The following ST6GALNAC5 variants were observed in gnomAD, a reference collection of about 807,000 sequenced individuals.
ST6GALNAC5 encodes ST6 N-acetylgalactosaminide alpha-2,6-sialyltransferase 5, also known as alpha-N-acetylgalactosaminide alpha-2,6-sialyltransferase 5.
In ST6GALNAC5, 27 loss-of-function variants were observed where a neutral mutation model predicts 33.6. The ratio of observed to expected loss-of-function variants is 0.80; its 90% CI spans 0.59 to 1.11. The LOEUF (loss-of-function observed/expected upper bound fraction) is 1.11, where lower values mean the gene tolerates loss of function less well. Among genes scored for constraint, ST6GALNAC5 ranks in the 50% least tolerant of loss-of-function variants. The pLI, the probability that ST6GALNAC5 is intolerant of heterozygous loss-of-function variation, is 0.00. For missense variants in ST6GALNAC5, 428 were observed against 454.0 expected (o/e 0.94, Z 0.52); for synonymous variants, 194 against 171.2 (o/e 1.13, Z -1.04).
chr1:76,936,498 T>C (rs905732542), intron 2 of ST6GALNAC5, among the ~76,000 whole-genome samples: 1 of 152,026 alleles, frequency 6.6e-6, no homozygotes, highest in African/African-American at 2.4e-5. Flanking sequence ...CCAAGAATAA[T>C]GGCCAGTGTG....
chr1:76,968,325 G>A (rs374313203), intron 2 of ST6GALNAC5, among the ~76,000 whole-genome samples: 1 of 152,012 alleles, frequency 6.6e-6, no homozygotes, highest in Non-Finnish European at 1.5e-5. Flanking sequence ...TGATCCCTTT[G>A]CCATTATGTA....
intron 2 of ST6GALNAC5, among the ~76,000 whole-genome samples, chr1:77,015,006 C>A (rs372877280): frequency 2.6e-5 from 4 of 151,728 alleles, no homozygotes; most frequent in Non-Finnish European, 2.9e-5. Flanking sequence ...CGGTATTAGT[C>A]GGAATTCTCC....
chr1:76,948,386 C>T (rs943134363), intron 2 of ST6GALNAC5, among the ~76,000 whole-genome samples: 1 of 152,152 alleles, frequency 6.6e-6, no homozygotes, highest in African/African-American at 2.4e-5. Flanking sequence ...CTCCTCAGGG[C>T]TGTGCTGTGG....
intron 4 of ST6GALNAC5, chr1:77,060,022 G>T (rs1652524109): frequency 6.6e-6 from 1 of 152,040 alleles, no homozygotes; most frequent in Non-Finnish European, 1.5e-5. Context: ...GAGTCTATGG[G>T]GTTGGAGCAT....
rs763150138 is a variant in ST6GALNAC5 at position 76,868,604 on chromosome 1, GCAGCAGCAGCAA to G, written c.135_146del (p.Gln46_Gln49del). The stretch of plus-strand genomic sequence containing the variant: ...AGGAGCGGCCCCCGCAGCAGCAGCA[GCAGCAGCAGCAA>G]CAGCAGCAGCAGGCGTCGGCCACCG... On this transcript the variant is annotated inframe_deletion, in exon 2 of 5. Coordinates refer to ENST00000477717, the MANE Select transcript of ST6GALNAC5 (RefSeq NM_030965.3). This position sits in a 1 kb window ranked among gnomAD's most constrained non-coding sequence, Gnocchi z 4.3. The G allele has an allele frequency of 1.9e-6, 3 of 1,610,722 alleles. No homozygotes were observed. The highest frequency in any genetic ancestry group is 2.7e-5 in the African/African-American group (2 of 74,034).
In ST6GALNAC5 at chr1:76,967,150, C is replaced by T. The variant is rs547720272; in HGVS notation, c.262-77054C>T. Among the ~76,000 whole-genome samples the T allele has an allele frequency of 4.1e-4, 63 of 152,144 alleles. 1 individual carries two copies. Among genetic ancestry groups the T allele is most frequent in the Non-Finnish European group, 7.4e-4 (50 of 67,966 alleles). ...GAGGATTCCCTCTTTTTCTATTGATCGGAATACTTTCAGAAGGAATGGTAC... is the reference window on the plus strand; with the variant it reads ...GAGGATTCCCTCTTTTTCTATTGATTGGAATACTTTCAGAAGGAATGGTAC... On this transcript the variant is annotated intron_variant, in intron 2 of 4. Coordinates refer to ENST00000477717, the MANE Select transcript of ST6GALNAC5 (RefSeq NM_030965.3).
rs1252845552 is a variant in ST6GALNAC5 at position 77,004,808 on chromosome 1, G to A, written c.262-39396G>A. Reference sequence around the variant, plus strand: ...TGCCTCCCAGTTAGGCTGCTCGGGGGTCAGGGGTCAGGGACCCACTTGAGG... The same window carrying A: ...TGCCTCCCAGTTAGGCTGCTCGGGGATCAGGGGTCAGGGACCCACTTGAGG... On this transcript the variant is annotated intron_variant, in intron 2 of 4. Transcript: ENST00000477717. 1.5e-5 allele frequency among the ~76,000 whole-genome samples: 2 copies of A among 129,864 alleles called. 1 individual carries two copies. The highest frequency in any genetic ancestry group is 3.6e-5 in the Non-Finnish European group (2 of 55,560). 85.2% of individuals were successfully genotyped at this position (129,864 alleles called of 152,430 possible). A position where few individuals can be genotyped will look rare whatever the true frequency, so the allele number is the denominator to read the frequency against.
intron 2 of ST6GALNAC5, among the ~76,000 whole-genome samples, chr1:76,922,773 T>C (rs1647047049): frequency 6.6e-6 from 1 of 151,648 alleles, no homozygotes. Context: ...AAGTCTCTAC[T>C]AGAAATACAA....
intron 2 of ST6GALNAC5, among the ~76,000 whole-genome samples, chr1:76,980,326 T>C (rs1464093247): frequency 6.6e-6 from 1 of 152,156 alleles, no homozygotes; most frequent in African/African-American, 2.4e-5. Flanking sequence ...CTATTGACCA[T>C]TGTTTTCTGA....
intron 2 of ST6GALNAC5, among the ~76,000 whole-genome samples, chr1:76,967,860 A>C (rs1570718584): frequency 6.6e-6 from 1 of 152,184 alleles, no homozygotes; most frequent in African/African-American, 2.4e-5. Flanking sequence ...ATTCAGGAGC[A>C]GGTTGTTCAG....
chr1:76,901,177 C>T (rs938917616), intron 2 of ST6GALNAC5, among the ~76,000 whole-genome samples: 4 of 152,102 alleles, frequency 2.6e-5, no homozygotes, highest in African/African-American at 9.7e-5. Flanking sequence ...CAACACAGGG[C>T]CAAAAAATAG....
chr1:76,950,306 A>G (rs1397584858), intron 2 of ST6GALNAC5, among the ~76,000 whole-genome samples: 1 of 152,176 alleles, frequency 6.6e-6, no homozygotes, highest in African/African-American at 2.4e-5. Flanking sequence ...GGTACAGCCA[A>G]TAATGGTAGT....
intron 2 of ST6GALNAC5, among the ~76,000 whole-genome samples, chr1:76,951,086 G>A (rs1647723866): frequency 6.6e-6 from 1 of 152,114 alleles, no homozygotes; most frequent in Non-Finnish European, 1.5e-5. Context: ...CTTTGTGAGG[G>A]AAACCAGAGC....
chr1:77,029,905 C>T (rs1250652977), intron 2 of ST6GALNAC5, among the ~76,000 whole-genome samples: 1 of 152,176 alleles, frequency 6.6e-6, no homozygotes, highest in Non-Finnish European at 1.5e-5. Flanking sequence ...TTAATTTAAG[C>T]TTTTCTTGAT....
chr1:76,903,812 A>G (rs2100269251), intron 2 of ST6GALNAC5, among the ~76,000 whole-genome samples: 1 of 152,354 alleles, frequency 6.6e-6, no homozygotes, highest in South Asian at 2.1e-4. Context: ...TAAGACAGCC[A>G]CAAAGGACCA....
intron 4 of ST6GALNAC5, among the ~76,000 whole-genome samples, chr1:77,052,509 A>G (rs532904261): frequency 6.6e-6 from 1 of 152,312 alleles, no homozygotes; most frequent in East Asian, 1.9e-4. Context: ...TGTTGGATGC[A>G]GTTCCTAGCA....
At chr1:77,056,177 A>G (rs542579431) in intron 4 of ST6GALNAC5, among the ~76,000 whole-genome samples, 2 of 152,322 alleles carry the variant, frequency 1.3e-5, no homozygotes, top group South Asian at 4.1e-4. Flanking sequence ...ATCAAAATAT[A>G]TTATTCAGTG....
chr1:77,044,739 A>G (rs1162279818), intron 3 of ST6GALNAC5, 126 bp downstream of exon 3: 1 of 1,213,386 alleles, frequency 8.2e-7, no homozygotes, highest in African/African-American at 1.5e-5. Flanking sequence ...TCATTGCTAG[A>G]GTTCACTTGT....
At chr1:76,990,126 G>A (rs1649667456) in intron 2 of ST6GALNAC5, among the ~76,000 whole-genome samples, 2 of 152,082 alleles carry the variant, frequency 1.3e-5, no homozygotes, top group South Asian at 4.1e-4. Flanking sequence ...TTGCCTTAGG[G>A]TGGTTCCAGG....
Sources: allele counts gnomAD v4.1 joint callset (sites outside exome capture counted in the v4.1 genomes callset), GRCh38; gene constraint gnomAD v4.1.1; non-coding constraint Gnocchi (gnomAD v3.1); transcripts MANE v1.5; gene names NCBI Gene and HGNC (gene_info 2026-07-23, HGNC 2026-07-21).